The following KCNQ1 variants were observed in gnomAD, a reference collection of about 807,000 sequenced individuals.
The protein encoded by KCNQ1 is potassium voltage-gated channel subfamily KQT member 1.
KCNQ1 carries 49 observed loss-of-function variants against 72.4 expected under a neutral mutation model. The observed-to-expected ratio is 0.68, with a 90% CI of 0.54 to 0.86. The LOEUF (loss-of-function observed/expected upper bound fraction) is 0.86, where lower values mean the gene tolerates loss of function less well. KCNQ1 is among the 40% of genes least tolerant of loss of function. The probability of loss-of-function intolerance (pLI) is 0.00; values close to 1 mark genes in which losing one functional copy is unlikely to be tolerated. For missense variants in KCNQ1, 790 were observed against 945.1 expected (o/e 0.84, Z 2.15); for synonymous variants, 450 against 412.6 (o/e 1.09, Z -1.10).
rs2133658111 is a variant in KCNQ1 at position 2,508,871 on chromosome 11, C to A, written c.387-19057C>A. Among the ~76,000 whole-genome samples, 1 of 152,346 alleles carries A rather than the reference C, an allele frequency of 6.6e-6. No individual in the cohort carries two copies. The highest frequency in any genetic ancestry group is 2.1e-4 in the South Asian group (1 of 4,830). On this transcript the variant is annotated intron_variant, in intron 1 of 15. Transcript: ENST00000155840. This position sits in a 1 kb window ranked among gnomAD's most constrained non-coding sequence, Gnocchi z 6.2. ...GCATGCTCCCTCCACACCCATGTGC[C>A]TGATGCACACAGCCTGGCCCTTGTG...
chr11:2,526,771 G>T lies in KCNQ1; in HGVS notation c.387-1157G>T, dbSNP rs768977747. Among the ~76,000 whole-genome samples the T allele has an allele frequency of 6.6e-6, 1 of 152,100 alleles. No individual in the cohort carries two copies. The highest frequency in any genetic ancestry group is 2.4e-5 in the African/African-American group (1 of 41,414). On this transcript the variant is annotated intron_variant, in intron 1 of 15. Transcript: ENST00000155840. This position sits in a 1 kb window ranked among gnomAD's most constrained non-coding sequence, Gnocchi z 6.1. Reference sequence around the variant, plus strand: ...GGCTGGATGAGAGGCAATGCAGGGGGCCTTCTGGCTGTCCTGGGGTGGGTT... The same window carrying T: ...GGCTGGATGAGAGGCAATGCAGGGGTCCTTCTGGCTGTCCTGGGGTGGGTT...
chr11:2,646,611 C>T, intron 10 of KCNQ1: 1 of 398,680 alleles, frequency 2.5e-6, no homozygotes, highest in East Asian at 3.6e-5. Context: ...CTGCAACCTT[C>T]ACCTCCGAGG....
intron 1 of KCNQ1, among the ~76,000 whole-genome samples, chr11:2,501,689 CCT>C (rs1320751218): frequency 7.4e-6 from 1 of 135,766 alleles, no homozygotes; most frequent in African/African-American, 2.7e-5. Context: ...CCCGTATTAC[CCT>C]GTTACCAAAA....
rs979394161 is a variant in KCNQ1 at position 2,547,009 on chromosome 11, A to G, written c.477+18991A>G. Among the ~76,000 whole-genome samples, 1 of 152,232 alleles carries G rather than the reference A, an allele frequency of 6.6e-6. No individual in the cohort carries two copies. The highest frequency in any genetic ancestry group is 2.4e-5 in the African/African-American group (1 of 41,460). On this transcript the variant is annotated intron_variant, in intron 2 of 15. Coordinates refer to ENST00000155840, the MANE Select transcript of KCNQ1 (RefSeq NM_000218.3). The surrounding 1 kb of genome is among the most constrained non-coding windows in gnomAD (Gnocchi z 4.2). Reference sequence around the variant, plus strand: ...TCTTTAGACTCAAAACTTGTTTTTCATATGAAGCATATAGTTGAGTCTTAT... The same window carrying G: ...TCTTTAGACTCAAAACTTGTTTTTCGTATGAAGCATATAGTTGAGTCTTAT...
rs942854263 is a variant in KCNQ1 at position 2,657,602 on chromosome 11, A to G, written c.1394-4359A>G. ...AACCATGGTACATTGACCAAAACTA[A>G]AAAATTAACATTGGTACACTATTAA... is the stretch of plus-strand genomic sequence containing the variant. On this transcript the variant is annotated intron_variant, in intron 10 of 15. Transcript: ENST00000155840. The surrounding 1 kb of genome is among the most constrained non-coding windows in gnomAD (Gnocchi z 4.8). 5 of 398,504 alleles carry G rather than the reference A, an allele frequency of 1.3e-5. No individual in the cohort carries two copies. The highest frequency in any genetic ancestry group is 1.0e-4 in the African/African-American group (5 of 48,640). The allele number at this position is 398,504 out of a possible 1,614,324, so 24.7% of individuals were successfully genotyped here.
rs72847636 is a variant in KCNQ1, at chr11:2,458,461, T to C, written c.386+12977T>C. On this transcript the variant is annotated intron_variant, in intron 1 of 15. Transcript: ENST00000155840. This position sits in a 1 kb window ranked among gnomAD's most constrained non-coding sequence, Gnocchi z 4.6. ...GTAGCTGATGGGGTTGCGTCCTTCT[T>C]TGGGACTCCCGCAGATGCCTGAGGC... is the stretch of plus-strand genomic sequence containing the variant. 1.3e-5 allele frequency among the ~76,000 whole-genome samples: 2 copies of C among 152,296 alleles called. No homozygotes were observed. The highest frequency in any genetic ancestry group is 3.9e-4 in the East Asian group (2 of 5,176).
intron 2 of KCNQ1, among the ~76,000 whole-genome samples, chr11:2,534,255 C>CGCCCGCAG (rs569169969): frequency 1.9e-4 from 29 of 152,358 alleles, no homozygotes; most frequent in African/African-American, 6.7e-4. Flanking sequence ...TTGCTCAGGG[C>CGCCCGCAG]GCCCGCAGGC....
rs375395438 is a variant in KCNQ1 at position 2,723,188 on chromosome 11, C to A, written c.1515-45656C>A. On this transcript the variant is annotated intron_variant, in intron 11 of 15. Coordinates refer to ENST00000155840, the MANE Select transcript of KCNQ1 (RefSeq NM_000218.3). The surrounding 1 kb of genome is among the most constrained non-coding windows in gnomAD (Gnocchi z 4.2). Reference sequence around the variant, plus strand: ...GTGGTGGCCTGAGAGGGGTGTGGTGCTGCTTGTCCGTGGTGCTCCACACAC... The same window carrying A: ...GTGGTGGCCTGAGAGGGGTGTGGTGATGCTTGTCCGTGGTGCTCCACACAC... Among the ~76,000 whole-genome samples the A allele has an allele frequency of 1.5e-3, 229 of 152,320 alleles. No individual in the cohort carries two copies. The highest frequency in any genetic ancestry group is 5.2e-3 in the African/African-American group (217 of 41,572).
chr11:2,801,108 G>A (rs1847253998), intron 15 of KCNQ1, among the ~76,000 whole-genome samples: 1 of 152,146 alleles, frequency 6.6e-6, no homozygotes, highest in Admixed American at 6.5e-5. Flanking sequence ...GGCCCAGACA[G>A]ACTAGAGATG....
rs749585377 is a variant in KCNQ1 at position 2,516,308 on chromosome 11, G to T, written c.387-11620G>T. 6.6e-6 allele frequency among the ~76,000 whole-genome samples: 1 copy of T among 152,052 alleles called. No individual in the cohort carries two copies. The highest frequency in any genetic ancestry group is 1.9e-4 in the East Asian group (1 of 5,166). On this transcript the variant is annotated intron_variant, in intron 1 of 15. Coordinates refer to ENST00000155840, the MANE Select transcript of KCNQ1 (RefSeq NM_000218.3). This position sits in a 1 kb window ranked among gnomAD's most constrained non-coding sequence, Gnocchi z 7.0. ...CAGGCTTCTCATGAAGTTTAGAGGC[G>T]ACAGGAGGAGGTGGGCTTTAAATGG...
At chr11:2,842,798 G>A (rs912654823) in intron 15 of KCNQ1, among the ~76,000 whole-genome samples, 5 of 152,194 alleles carry the variant, frequency 3.3e-5, no homozygotes, top group Non-Finnish European at 7.4e-5. Context: ...CGGGTGGCTC[G>A]CAGTGCACTG....
chr11:2,682,178 AC>A lies in KCNQ1; in HGVS notation c.1514+20099del. 1 of 398,460 alleles carries A rather than the reference AC, an allele frequency of 2.5e-6. No homozygotes were observed. The highest frequency in any genetic ancestry group is 4.4e-6 in the Non-Finnish European group (1 of 226,048). The allele number at this position is 398,460 out of a possible 1,614,324, so 24.7% of individuals were successfully genotyped here. A position where few individuals can be genotyped will look rare whatever the true frequency, so the allele number is the denominator to read the frequency against. On this transcript the variant is annotated intron_variant, in intron 11 of 15. Coordinates refer to ENST00000155840, the MANE Select transcript of KCNQ1 (RefSeq NM_000218.3). The surrounding 1 kb of genome is among the most constrained non-coding windows in gnomAD (Gnocchi z 5.8). The stretch of plus-strand genomic sequence containing the variant: ...ATTAAACATATCAAGCTCTCTCCTG[AC>A]CTTCTCTCCCCTTCCCCAGGCCAGG...
chr11:2,672,785 C>T (rs564423906), intron 11 of KCNQ1: 3 of 398,668 alleles, frequency 7.5e-6, no homozygotes, highest in Non-Finnish European at 1.3e-5. Flanking sequence ...CGCAACAGAT[C>T]CAACCAGTCC....
At chr11:2,732,649 C>G (rs1845875374) in intron 11 of KCNQ1, among the ~76,000 whole-genome samples, 1 of 152,262 alleles carries the variant, frequency 6.6e-6, no homozygotes, top group Non-Finnish European at 1.5e-5. Flanking sequence ...CACGGGGCAG[C>G]AGTTGCGTGA....
At chr11:2,469,799 G>A (rs974372195) in intron 1 of KCNQ1, among the ~76,000 whole-genome samples, 6 of 151,284 alleles carry the variant, frequency 4.0e-5, no homozygotes, top group African/African-American at 1.5e-4. Flanking sequence ...TCAGCCTCCC[G>A]AGTAGCTGGG....
At position 2,674,584 on chromosome 11, in the gene KCNQ1, G is replaced by GT. The variant is rs756556452; in HGVS notation, c.1514+12505dup. 1.9e-4 allele frequency: 75 copies of GT among 398,506 alleles called. 1 individual carries two copies. The highest frequency in any genetic ancestry group is 1.2e-3 in the Middle Eastern group (2 of 1,610). 24.7% of individuals were successfully genotyped at this position (398,506 alleles called of 1,614,324 possible). A position where few individuals can be genotyped will look rare whatever the true frequency, so the allele number is the denominator to read the frequency against. The stretch of plus-strand genomic sequence containing the variant: ...AGTGAATCTGAAGCATGCTAGTTGT[G>GT]TTGCCTTTTAAATAGGCTCTGGCTT... On this transcript the variant is annotated intron_variant, in intron 11 of 15. Transcript: ENST00000155840. The surrounding 1 kb of genome is among the most constrained non-coding windows in gnomAD (Gnocchi z 5.9).
rs1846496704 is a variant in KCNQ1, at chr11:2,766,284, G to T, written c.1515-2560G>T. Reference sequence around the variant, plus strand: ...TCAGCAATCTGGGCTGCCCAGTTGGGTGGTCTCACTTGGATTCGATGACAT... The same window carrying T: ...TCAGCAATCTGGGCTGCCCAGTTGGTTGGTCTCACTTGGATTCGATGACAT... On this transcript the variant is annotated intron_variant, in intron 11 of 15. Transcript: ENST00000155840. The surrounding 1 kb of genome is among the most constrained non-coding windows in gnomAD (Gnocchi z 4.4). Among the ~76,000 whole-genome samples the T allele has an allele frequency of 6.6e-6, 1 of 152,200 alleles. No homozygotes were observed. Among genetic ancestry groups the T allele is most frequent in the Admixed American group, 6.5e-5 (1 of 15,280 alleles).
At chr11:2,727,365 G>A (rs910478173) in intron 11 of KCNQ1, among the ~76,000 whole-genome samples, 1 of 152,194 alleles carries the variant, frequency 6.6e-6, no homozygotes, top group Non-Finnish European at 1.5e-5. Flanking sequence ...CGGTAGCTAC[G>A]TGTGGGGCGC....
In KCNQ1 at chr11:2,734,857, C is replaced by T. The variant is rs1338224227; in HGVS notation, c.1515-33987C>T. ...ATAGGGATGACCTCCTGTGCTGGGG[C>T]CTGGCTGTGGCTTCCCAGGCCCCGG... On this transcript the variant is annotated intron_variant, in intron 11 of 15. Transcript: ENST00000155840. This position sits in a 1 kb window ranked among gnomAD's most constrained non-coding sequence, Gnocchi z 7.0. 6.6e-6 allele frequency among the ~76,000 whole-genome samples: 1 copy of T among 152,012 alleles called. No individual in the cohort carries two copies. The highest frequency in any genetic ancestry group is 1.5e-5 in the Non-Finnish European group (1 of 67,968).
Sources: gnomAD v4.1 joint callset for allele counts (sites outside exome capture counted in the v4.1 genomes callset) on GRCh38, gnomAD v4.1.1 for gene constraint, Gnocchi (gnomAD v3.1) non-coding constraint, MANE v1.5 for transcripts, NCBI Gene and HGNC (gene_info 2026-07-23, HGNC 2026-07-21) for gene names.